The following FER variants were observed in gnomAD, a reference collection of about 807,000 sequenced individuals.
FER encodes the protein FER tyrosine kinase.
In FER, 63 loss-of-function variants were observed where a neutral mutation model predicts 111.0. The ratio of observed to expected loss-of-function variants is 0.57; its 90% CI spans 0.46 to 0.70. FER has a LOEUF of 0.70. FER is among the 30% of genes least tolerant of loss of function. The pLI, the probability that FER is intolerant of heterozygous loss-of-function variation, is 0.00. For missense variants in FER, 914 were observed against 954.0 expected (o/e 0.96, Z 0.55); for synonymous variants, 327 against 313.9 (o/e 1.04, Z -0.44).
chr5:108,897,569 G>C, intron 9 of FER, 90 bp from the exon 10 acceptor site: 1 of 950,880 alleles, frequency 1.1e-6, no homozygotes, highest in Non-Finnish European at 1.4e-6. Flanking sequence ...TTATAAAAAT[G>C]AAATCAAAGA....
intron 17 of FER, among the ~76,000 whole-genome samples, chr5:109,102,203 G>A (rs75464677): frequency 0.1 from 15,873 of 152,030 alleles, 844 homozygotes; most frequent in Non-Finnish European, 0.12. Context: ...CTGTAATGTT[G>A]TTTTTCCCAC....
intron 10 of FER, among the ~76,000 whole-genome samples, chr5:108,929,272 T>G (rs1050142964): frequency 6.6e-6 from 1 of 152,204 alleles, no homozygotes; most frequent in Non-Finnish European, 1.5e-5. Context: ...GCCAATCATT[T>G]TTTTTAATTA....
chr5:108,942,357 T>G (rs1406902610), intron 10 of FER, among the ~76,000 whole-genome samples: 1 of 152,214 alleles, frequency 6.6e-6, no homozygotes, highest in Non-Finnish European at 1.5e-5. Context: ...AAGATCTTAA[T>G]AATCATTCAG....
chr5:109,134,039 T>A (rs1240313711), intron 17 of FER, among the ~76,000 whole-genome samples: 1 of 152,056 alleles, frequency 6.6e-6, no homozygotes, highest in African/African-American at 2.4e-5. Flanking sequence ...ATAAATAATT[T>A]TTCTATTTTT....
chr5:109,037,186 C>T (rs894082998), intron 13 of FER, among the ~76,000 whole-genome samples: 6 of 152,084 alleles, frequency 3.9e-5, no homozygotes, highest in Middle Eastern at 3.4e-3. Flanking sequence ...ACTATCATTT[C>T]GAAGGCTGAG....
intron 16 of FER, among the ~76,000 whole-genome samples, chr5:109,087,560 A>G (rs1468353512): frequency 2.0e-5 from 3 of 151,052 alleles, no homozygotes; most frequent in African/African-American, 7.3e-5. Flanking sequence ...TTAGGCTATC[A>G]TTTTATATTT....
intron 10 of FER, among the ~76,000 whole-genome samples, chr5:108,927,250 C>CTTTTTTTTTTTTTTT (rs773963733): frequency 2.4e-4 from 23 of 95,374 alleles, no homozygotes; most frequent in Non-Finnish European, 3.3e-4. Flanking sequence ...TGAGAAGTGG[C>CTTTTTTTTTTTTTTT]TCTTTTTTTT....
chr5:109,113,198 G>A (rs754891446), intron 17 of FER, among the ~76,000 whole-genome samples: 5 of 152,134 alleles, frequency 3.3e-5, no homozygotes, highest in Admixed American at 6.6e-5. Context: ...AATATGAGGA[G>A]GGCTTGTTAA....
chr5:108,892,325 C>G (rs1748234079), intron 9 of FER, among the ~76,000 whole-genome samples: 1 of 152,150 alleles, frequency 6.6e-6, no homozygotes, highest in Admixed American at 6.6e-5. Context: ...TCTCCAGCAC[C>G]TGTTGTTTCC....
intron 10 of FER, among the ~76,000 whole-genome samples, chr5:108,910,592 G>A (rs1751407916): frequency 6.6e-6 from 1 of 152,104 alleles, no homozygotes; most frequent in African/African-American, 2.4e-5. Context: ...CCCAAATAGT[G>A]AACATTGTAC....
chr5:108,853,494 C>T (rs1324486829), intron 5 of FER, among the ~76,000 whole-genome samples: 1 of 152,104 alleles, frequency 6.6e-6, no homozygotes, highest in Non-Finnish European at 1.5e-5. Context: ...TCATGTATTC[C>T]TCATGGAGAA....
At chr5:108,979,944 A>G (rs902018301) in intron 13 of FER, among the ~76,000 whole-genome samples, 3 of 152,124 alleles carry the variant, frequency 2.0e-5, no homozygotes, top group Admixed American at 6.5e-5. Context: ...TCCAGTGAAT[A>G]TGGGATGGGG....
At chr5:108,851,743 G>C (rs185457317) in intron 5 of FER, among the ~76,000 whole-genome samples, 1 of 152,062 alleles carries the variant, frequency 6.6e-6, no homozygotes, top group African/African-American at 2.4e-5. Flanking sequence ...TAACTACCTT[G>C]TAATTATATA....
At chr5:108,760,809 T>G (rs1751648937) in intron 1 of FER, among the ~76,000 whole-genome samples, 1 of 152,238 alleles carries the variant, frequency 6.6e-6, no homozygotes, top group Admixed American at 6.5e-5. Context: ...TAAGGCTGTT[T>G]TGCTTTCTTG....
chr5:108,794,523 C>T (rs1485712899), intron 2 of FER, among the ~76,000 whole-genome samples: 121 of 27,372 alleles, frequency 4.4e-3, no homozygotes, highest in African/African-American at 0.012. Context: ...TTGCCCCCTC[C>T]GCACCCCCCC....
In FER at chr5:109,034,525, A is replaced by G. The variant is rs73779103; in HGVS notation, c.1657-2897A>G. On this transcript the variant is annotated intron_variant, in intron 13 of 19. Coordinates refer to ENST00000281092, the MANE Select transcript of FER (RefSeq NM_005246.4). ...TAACCTATTGGCTTCTGCTTTCACAATGACCATGTGCATTCAAGGGTAAAA... is the reference window on the plus strand; with the variant it reads ...TAACCTATTGGCTTCTGCTTTCACAGTGACCATGTGCATTCAAGGGTAAAA... Among the ~76,000 whole-genome samples, 1,003 of 152,012 alleles carry G rather than the reference A, an allele frequency of 6.6e-3. 12 individuals carry two copies. The highest frequency in any genetic ancestry group is 0.023 in the African/African-American group (940 of 41,448).
chr5:108,850,959 A>G (rs886840010), intron 5 of FER, among the ~76,000 whole-genome samples: 1 of 152,136 alleles, frequency 6.6e-6, no homozygotes, highest in African/African-American at 2.4e-5. Flanking sequence ...ATTAAATTAA[A>G]CTCTGTTAAT....
chr5:108,883,539 T>C (rs770972091), intron 9 of FER, 21 bp downstream of exon 9: 3 of 1,544,776 alleles, frequency 1.9e-6, no homozygotes, highest in Non-Finnish European at 2.6e-6. Flanking sequence ...GAGAAACAAT[T>C]TGAAGGAAGA....
chr5:108,992,905 G>A (rs561679117), intron 13 of FER, among the ~76,000 whole-genome samples: 27 of 151,734 alleles, frequency 1.8e-4, no homozygotes, highest in African/African-American at 4.4e-4. Context: ...CAGACGGGGC[G>A]GCGGGGCAGA....
Sources: gnomAD v4.1 joint callset for allele counts (sites outside exome capture counted in the v4.1 genomes callset) on GRCh38, gnomAD v4.1.1 for gene constraint, MANE v1.5 for transcripts, NCBI Gene and HGNC (gene_info 2026-07-23, HGNC 2026-07-21) for gene names.